Variants in HHAT observed in about 807,000 individuals in gnomAD.
HHAT encodes the protein hedgehog acyltransferase, also known as protein-cysteine N-palmitoyltransferase HHAT.
A neutral mutation model predicts 70.8 loss-of-function variants in HHAT; 47 were observed. That is an observed-to-expected ratio of 0.66 (90% CI 0.53 to 0.85). HHAT has a LOEUF of 0.85. HHAT is among the 40% of genes least tolerant of loss of function. The pLI is 0.00. For synonymous variants in HHAT, 228 were observed against 247.6 expected (o/e 0.92, Z 0.74); for missense variants, 609 against 604.8 (o/e 1.01, Z -0.07).
At chr1:210,559,991 C>T (rs142771538) in intron 9 of HHAT, among the ~76,000 whole-genome samples, 3 of 151,396 alleles carry the variant, frequency 2.0e-5, no homozygotes, top group South Asian at 2.1e-4. Context: ...ATCCACTAAT[C>T]GTAGAAGGCC....
intron 6 of HHAT, among the ~76,000 whole-genome samples, chr1:210,411,551 C>G (rs12566960): frequency 0.19 from 28,757 of 151,750 alleles, 3,221 homozygotes; most frequent in Admixed American, 0.28. Context: ...ACCAGGAGTT[C>G]GAGACCAGCC....
chr1:210,442,723 T>G (rs998668001), intron 7 of HHAT, among the ~76,000 whole-genome samples: 16 of 152,208 alleles, frequency 1.1e-4, no homozygotes, highest in African/African-American at 3.1e-4. Flanking sequence ...GTAAATTTGT[T>G]TGAGTTCATT....
At chr1:210,641,327 T>C (rs1411242771) in intron 11 of HHAT, among the ~76,000 whole-genome samples, 1 of 152,198 alleles carries the variant, frequency 6.6e-6, no homozygotes, top group African/African-American at 2.4e-5. Flanking sequence ...AGACACCTGT[T>C]TAGTCAGTAC....
At position 210,449,971 on chromosome 1, in the gene HHAT, A is replaced by G. The variant is rs560304810; in HGVS notation, c.857-14534A>G. Among the ~76,000 whole-genome samples, 19 of 152,290 alleles carry G rather than the reference A, an allele frequency of 1.2e-4. No individual in the cohort carries two copies. In the South Asian group the frequency reaches 3.7e-3, roughly 30 times the overall value. The stretch of plus-strand genomic sequence containing the variant: ...AGTTCTGGAATTCGGGGGAAATATC[A>G]AAGTTAGCGATACGTATTTGGGATT... On this transcript the variant is annotated intron_variant, in intron 7 of 11. Transcript: ENST00000261458.
At chr1:210,367,815 G>T (rs1434046499) in intron 3 of HHAT, among the ~76,000 whole-genome samples, 1 of 152,120 alleles carries the variant, frequency 6.6e-6, no homozygotes, top group African/African-American at 2.4e-5. Context: ...CGTAGGTGCG[G>T]CTGTCAAGGG....
intron 7 of HHAT, among the ~76,000 whole-genome samples, chr1:210,461,149 G>C (rs922308282): frequency 6.6e-6 from 1 of 152,170 alleles, no homozygotes; most frequent in Non-Finnish European, 1.5e-5. Context: ...TCAGAGTAGA[G>C]TCATTTATAG....
At position 210,674,560 on chromosome 1, in the gene HHAT, C is replaced by T. The variant is rs12566226; in HGVS notation, c.*181C>T. 8.6e-6 allele frequency: 5 copies of T among 578,952 alleles called. No individual in the cohort carries two copies. The highest frequency in any genetic ancestry group is 1.5e-5 in the Non-Finnish European group (5 of 325,964). 35.9% of individuals were successfully genotyped at this position (578,952 alleles called of 1,614,324 possible). On this transcript the variant is annotated 3_prime_UTR_variant, in exon 12 of 12. Transcript: ENST00000261458. ...ATTCACAGCCAGACAATCTTCTAAT[C>T]TGGAGTCTTTGAGATCTTCTACCCC...
chr1:210,422,343 A>C (rs1449255731), intron 7 of HHAT, among the ~76,000 whole-genome samples: 1 of 152,202 alleles, frequency 6.6e-6, no homozygotes, highest in Non-Finnish European at 1.5e-5. Flanking sequence ...GTCATCCTAC[A>C]GTACTATAGA....
At chr1:210,639,865 A>T (rs1241496777) in intron 11 of HHAT, among the ~76,000 whole-genome samples, 1 of 152,186 alleles carries the variant, frequency 6.6e-6, no homozygotes. Context: ...TGGAAAGATT[A>T]TTTAAAATGC....
At chr1:210,484,938 T>C (rs769372527) in intron 8 of HHAT, among the ~76,000 whole-genome samples, 10 of 152,120 alleles carry the variant, frequency 6.6e-5, no homozygotes, top group Non-Finnish European at 1.0e-4. Flanking sequence ...TCACCTTTTT[T>C]CCCTCTGTGG....
chr1:210,672,457 T>A (rs1239577013), intron 11 of HHAT, among the ~76,000 whole-genome samples: 1 of 152,230 alleles, frequency 6.6e-6, no homozygotes, highest in Admixed American at 6.5e-5. Flanking sequence ...TCCCTTCCCA[T>A]CTGACAAACT....
chr1:210,409,094 G>A (rs1420158566), intron 6 of HHAT, among the ~76,000 whole-genome samples: 1 of 152,066 alleles, frequency 6.6e-6, no homozygotes, highest in Non-Finnish European at 1.5e-5. Flanking sequence ...TCAAACTCCT[G>A]GCCTCAAGTG....
intron 9 of HHAT, among the ~76,000 whole-genome samples, chr1:210,522,132 G>T (rs2095168018): frequency 6.6e-6 from 1 of 152,170 alleles, no homozygotes; most frequent in Admixed American, 6.5e-5. Context: ...AAAAGTGAAT[G>T]ACCTTATTAA....
intron 9 of HHAT, among the ~76,000 whole-genome samples, chr1:210,527,701 T>A (rs2095267651): frequency 6.6e-6 from 1 of 152,206 alleles, no homozygotes; most frequent in African/African-American, 2.4e-5. Flanking sequence ...TACTGCAATT[T>A]CCTTTGAGCA....
chr1:210,446,650 A>C (rs1190319121), intron 7 of HHAT, among the ~76,000 whole-genome samples: 1 of 152,026 alleles, frequency 6.6e-6, no homozygotes, highest in Non-Finnish European at 1.5e-5. Context: ...GCTCATCTTC[A>C]GAAAGAGCAA....
intron 11 of HHAT, among the ~76,000 whole-genome samples, chr1:210,625,960 T>G (rs922763872): frequency 6.6e-6 from 1 of 151,980 alleles, no homozygotes; most frequent in African/African-American, 2.4e-5. Context: ...CATGCAGATA[T>G]CAGTGTGCAC....
At chr1:210,376,719 T>G (rs1300794534) in intron 3 of HHAT, among the ~76,000 whole-genome samples, 2 of 152,166 alleles carry the variant, frequency 1.3e-5, no homozygotes, top group Non-Finnish European at 2.9e-5. Context: ...CTTGGACAGC[T>G]TGGGCAGCTA....
intron 9 of HHAT, among the ~76,000 whole-genome samples, chr1:210,556,165 A>G (rs2095570531): frequency 6.6e-6 from 1 of 152,084 alleles, no homozygotes; most frequent in Admixed American, 6.6e-5. Flanking sequence ...AGCAAGGGAC[A>G]TGGAGGGCGT....
chr1:210,501,372 C>G (rs946529472), intron 8 of HHAT, among the ~76,000 whole-genome samples: 1 of 152,252 alleles, frequency 6.6e-6, no homozygotes, highest in African/African-American at 2.4e-5. Flanking sequence ...CAGCTTTGCC[C>G]TGCTTCATCG....
Sources: gnomAD v4.1 joint callset for allele counts (sites outside exome capture counted in the v4.1 genomes callset) on GRCh38, gnomAD v4.1.1 for gene constraint, MANE v1.5 for transcripts, NCBI Gene and HGNC (gene_info 2026-07-23, HGNC 2026-07-21) for gene names.